GRIA2: variants seen among roughly 807,000 people sequenced by gnomAD.
The protein encoded by GRIA2 is glutamate receptor 2.
Under a neutral mutation model 97.3 loss-of-function variants are expected in GRIA2, and 14 were observed. The observed-to-expected ratio is 0.14, with a 90% CI of 0.10 to 0.23. GRIA2 has a LOEUF of 0.23. Ranked by LOEUF, GRIA2 falls within the 10% of genes least tolerant of loss-of-function variation. The probability of loss-of-function intolerance (pLI) is 1.00; values close to 1 mark genes in which losing one functional copy is unlikely to be tolerated. For missense variants in GRIA2, 558 were observed against 1,069.8 expected (o/e 0.52, Z 6.67); for synonymous variants, 412 against 387.8 (o/e 1.06, Z -0.73).
Position 157,328,412 on chromosome 4 carries a change from G to A in GRIA2, c.883-4407G>A, listed in dbSNP as rs1396266760. On this transcript the variant is annotated intron_variant, in intron 6 of 15. Transcript: ENST00000264426. ...AGAGATTGTAGTGACTTGCAGGTAG[G>A]CAGACAACTCTGATCTCCAGGTGCC... 3.3e-5 allele frequency among the ~76,000 whole-genome samples: 5 copies of A among 152,132 alleles called. No homozygotes were observed. In the South Asian group the frequency reaches 6.2e-4, roughly 19 times the overall value.
At chr4:157,312,048 G>T (rs901860685) in intron 3 of GRIA2, among the ~76,000 whole-genome samples, 2 of 151,858 alleles carry the variant, frequency 1.3e-5, no homozygotes, top group South Asian at 2.1e-4. Context: ...GCCACCATCT[G>T]GTTAATAGGT....
chr4:157,360,570 T>G (rs1579394240), intron 13 of GRIA2: 34 of 401,664 alleles, frequency 8.5e-5, no homozygotes, highest in South Asian at 6.5e-4. Flanking sequence ...AATATGCCAC[T>G]TTTTAATTTT....
chr4:157,337,830 C>A (rs779847076), intron 11 of GRIA2, among the ~76,000 whole-genome samples: 13 of 150,936 alleles, frequency 8.6e-5, no homozygotes, highest in Non-Finnish European at 1.8e-4. Flanking sequence ...TAGCTTACTT[C>A]TCTGATAGTA....
chr4:157,336,321 G>A (rs1382225696), intron 10 of GRIA2, 56 bp from the exon 11 acceptor site: 3 of 1,374,942 alleles, frequency 2.2e-6, no homozygotes, highest in South Asian at 1.5e-5. Context: ...ACATAACCAC[G>A]ATTCCTTTTT....
At chr4:157,240,283 C>T (rs1579296378) in intron 2 of GRIA2, among the ~76,000 whole-genome samples, 2 of 152,030 alleles carry the variant, frequency 1.3e-5, no homozygotes, top group East Asian at 3.9e-4. Context: ...TAATATTTTT[C>T]ATCTTACTGA....
Position 157,264,781 on chromosome 4 carries a change from A to T in GRIA2, c.230-38771A>T, listed in dbSNP as rs772157558. ...CTAGCAAGGTGAACTCAGAAGAGCT[A>T]TTCACTTTCTCTGCCTCACAGTTAA... On this transcript the variant is annotated intron_variant, in intron 2 of 15. Transcript: ENST00000264426. Among the ~76,000 whole-genome samples the T allele has an allele frequency of 3.3e-5, 5 of 152,234 alleles. No individual in the cohort carries two copies. The South Asian group carries it at 6.2e-4, about 19-fold the overall frequency.
chr4:157,253,777 G>A (rs1488007434), intron 2 of GRIA2, among the ~76,000 whole-genome samples: 1 of 151,932 alleles, frequency 6.6e-6, no homozygotes, highest in Non-Finnish European at 1.5e-5. Context: ...AATTTCACTG[G>A]GAATTTTAAC....
chr4:157,301,949 T>C (rs1733634282), intron 2 of GRIA2, among the ~76,000 whole-genome samples: 1 of 151,820 alleles, frequency 6.6e-6, no homozygotes, highest in Non-Finnish European at 1.5e-5. Context: ...CCGAGGCTGG[T>C]GGATCACGAG....
In GRIA2 at chr4:157,342,635, G is replaced by T. The variant is rs544921090; in HGVS notation, c.2043+1173G>T. 359 of 174,886 alleles carry T rather than the reference G, an allele frequency of 2.1e-3. 1 individual carries two copies. Among genetic ancestry groups the T allele is most frequent in the Non-Finnish European group, 3.3e-3 (291 of 88,826 alleles). 10.8% of individuals were successfully genotyped at this position (174,886 alleles called of 1,614,324 possible). A position where few individuals can be genotyped will look rare whatever the true frequency, so the allele number is the denominator to read the frequency against. Reference sequence around the variant, plus strand: ...GTGTATGAATACTCGGTTTAAAAATGTATGTTCCTCAATTAGAAGTGCATT... The same window carrying T: ...GTGTATGAATACTCGGTTTAAAAATTTATGTTCCTCAATTAGAAGTGCATT... On this transcript the variant is annotated intron_variant, in intron 12 of 15. Transcript: ENST00000264426.
Position 157,364,287 on chromosome 4 carries a change from A to G in GRIA2, c.*856A>G, listed in dbSNP as rs1279215538. 2 of 152,370 alleles carry G rather than the reference A, an allele frequency of 1.3e-5. No homozygotes were observed. Among genetic ancestry groups the G allele is most frequent in the Non-Finnish European group, 2.9e-5 (2 of 67,922 alleles). The allele number at this position is 152,370 out of a possible 1,614,324, so 9.4% of individuals were successfully genotyped here. Reference sequence around the variant, plus strand: ...GAAATAAACATTTTTCTATTGTTTTATTGCAAGTGGTCCAATTAATTTTGC... The same window carrying G: ...GAAATAAACATTTTTCTATTGTTTTGTTGCAAGTGGTCCAATTAATTTTGC... On this transcript the variant is annotated 3_prime_UTR_variant, in exon 16 of 16. Transcript: ENST00000264426.
intron 2 of GRIA2, among the ~76,000 whole-genome samples, chr4:157,250,712 G>A (rs940482661): frequency 1.3e-5 from 2 of 151,980 alleles, no homozygotes; most frequent in Admixed American, 6.6e-5. Flanking sequence ...TTTGCTACTT[G>A]GTAAAAATAA....
chr4:157,253,712 A>G (rs539726051), intron 2 of GRIA2, among the ~76,000 whole-genome samples: 9 of 152,260 alleles, frequency 5.9e-5, no homozygotes, highest in Admixed American at 3.9e-4. Flanking sequence ...AAAATGATTA[A>G]TCAGTTCCTA....
intron 2 of GRIA2, among the ~76,000 whole-genome samples, chr4:157,224,460 C>T (rs1225614355): frequency 6.6e-6 from 1 of 152,060 alleles, no homozygotes; most frequent in African/African-American, 2.4e-5. Flanking sequence ...ATGTTTGTGA[C>T]TCCGTTTTTT....
chr4:157,322,502 A>C (rs1290684983), intron 6 of GRIA2, among the ~76,000 whole-genome samples: 1 of 152,152 alleles, frequency 6.6e-6, no homozygotes, highest in Admixed American at 6.5e-5. Context: ...TCACTTGTTT[A>C]TTTGATGCAT....
chr4:157,253,845 G>C (rs780626988), intron 2 of GRIA2, among the ~76,000 whole-genome samples: 2 of 151,948 alleles, frequency 1.3e-5, no homozygotes, highest in Non-Finnish European at 2.9e-5. Flanking sequence ...CCACTTTCAG[G>C]TAGAACCAAA....
chr4:157,221,896 G>A (rs1729513941), intron 2 of GRIA2, 89 bp downstream of exon 2: 1 of 1,188,134 alleles, frequency 8.4e-7, no homozygotes, highest in Non-Finnish European at 1.2e-6. Flanking sequence ...GGTGGTGTGT[G>A]TGCGTTTCTG....
At chr4:157,355,710 ATATT>A (rs1321648841) in intron 12 of GRIA2, among the ~76,000 whole-genome samples, 107 of 107,462 alleles carry the variant, frequency 1.0e-3, no homozygotes, top group African/African-American at 4.2e-3. Context: ...ATATTTGTAT[ATATT>A]TATTTATATA....
At chr4:157,345,202 T>C (rs532368280) in intron 12 of GRIA2, among the ~76,000 whole-genome samples, 4 of 152,276 alleles carry the variant, frequency 2.6e-5, no homozygotes, top group African/African-American at 9.6e-5. Context: ...AAATCTATAC[T>C]TTTCTTCAGT....
intron 2 of GRIA2, among the ~76,000 whole-genome samples, chr4:157,232,693 A>G (rs939209100): frequency 1.3e-5 from 2 of 152,188 alleles, no homozygotes; most frequent in Non-Finnish European, 2.9e-5. Context: ...CCTCATCTTT[A>G]TATTTCAGAG....
Sources: gnomAD v4.1 joint callset for allele counts (sites outside exome capture counted in the v4.1 genomes callset) on GRCh38, gnomAD v4.1.1 for gene constraint, MANE v1.5 for transcripts, NCBI Gene and HGNC (gene_info 2026-07-23, HGNC 2026-07-21) for gene names.